The following RNF8 variants were observed in gnomAD, a reference collection of about 807,000 sequenced individuals.
The protein encoded by RNF8 is E3 ubiquitin-protein ligase RNF8.
A neutral mutation model predicts 59.3 loss-of-function variants in RNF8; 8 were observed. The observed-to-expected ratio is 0.13, with a 90% CI of 0.08 to 0.24. The LOEUF (loss-of-function observed/expected upper bound fraction) is 0.24. RNF8 is among the 10% of genes least tolerant of loss of function. RNF8 has a pLI of 1.00. For missense variants in RNF8, 406 were observed against 572.6 expected (o/e 0.71, Z 2.97); for synonymous variants, 162 against 200.0 (o/e 0.81, Z 1.60).
At chr6:37,372,205 A>G (rs915757410) in intron 4 of RNF8, among the ~76,000 whole-genome samples, 1 of 152,108 alleles carries the variant, frequency 6.6e-6, no homozygotes, top group African/African-American at 2.4e-5. Flanking sequence ...ATGTATTATG[A>G]TTAGTAGTTT....
intron 2 of RNF8, chr6:37,361,174 G>T: frequency 4.5e-6 from 2 of 448,912 alleles, no homozygotes; most frequent in South Asian, 3.2e-5. Context: ...CAATTAGAAA[G>T]TACCTAATGT....
At chr6:37,379,005 TTTTA>T (rs999196623) in intron 6 of RNF8, among the ~76,000 whole-genome samples, 5 of 152,076 alleles carry the variant, frequency 3.3e-5, no homozygotes, top group African/African-American at 9.7e-5. Flanking sequence ...ATATGTTTTA[TTTTA>T]TTTATTTATT....
rs1176195264 is a variant in RNF8, at chr6:37,390,604, A to G, written c.1442-138A>G. 4 of 632,804 alleles carry G rather than the reference A, an allele frequency of 6.3e-6. No individual in the cohort carries two copies. In the African/African-American group the frequency reaches 7.3e-5, roughly 12 times the overall value. 39.2% of individuals were successfully genotyped at this position (632,804 alleles called of 1,614,324 possible). ...GAGTGGGCTTTGAGCAGAGAGTGAC[A>G]TGATCTGACTTCTGTTTTCTCAGTT... On this transcript the variant is annotated intron_variant, in intron 7 of 7. Transcript: ENST00000373479.
intron 7 of RNF8, among the ~76,000 whole-genome samples, chr6:37,381,653 G>A (rs1770268381): frequency 6.6e-6 from 1 of 152,312 alleles, no homozygotes; most frequent in Non-Finnish European, 1.5e-5. Context: ...CAGACGTTTT[G>A]CTGTACCAGT....
rs1440488764 is a variant in RNF8, at chr6:37,394,390, A to G, written c.*3632A>G. The stretch of plus-strand genomic sequence containing the variant: ...ACGATGGGGCCTTGTATTAAGGAGA[A>G]ATAATGAACTATCTTCTTGATTCTT... On this transcript the variant is annotated 3_prime_UTR_variant, in exon 8 of 8. Coordinates refer to ENST00000373479, the MANE Select transcript of RNF8 (RefSeq NM_003958.4). The G allele has an allele frequency of 6.6e-6, 1 of 152,188 alleles. No individual in the cohort carries two copies. The highest frequency in any genetic ancestry group is 2.4e-5 in the African/African-American group (1 of 41,440). 9.4% of individuals were successfully genotyped at this position (152,188 alleles called of 1,614,324 possible).
intron 2 of RNF8, chr6:37,361,667 A>T: frequency 3.3e-6 from 1 of 304,362 alleles, no homozygotes; most frequent in Non-Finnish European, 6.4e-6. Flanking sequence ...AGGTACCATT[A>T]GAAGGGAGGG....
intron 7 of RNF8, among the ~76,000 whole-genome samples, chr6:37,382,388 A>G (rs1344350523): frequency 1.3e-5 from 2 of 152,216 alleles, no homozygotes; most frequent in African/African-American, 2.4e-5. Context: ...ACACAGAGGC[A>G]TGAGAAGCAG....
At position 37,354,044 on chromosome 6, in the gene RNF8, AGCGTGTGGCGATT is replaced by A. The variant is rs1192465565; in HGVS notation, c.-118_-106del. On this transcript the variant is annotated 5_prime_UTR_variant, in exon 1 of 8. Transcript: ENST00000373479. The stretch of plus-strand genomic sequence containing the variant: ...GGAGCCTGCTTTCGCAGCGATCGCG[AGCGTGTGGCGATT>A]GCTTCTGTCTGTTATTTAGATATGG... 9 of 845,966 alleles carry A rather than the reference AGCGTGTGGCGATT, an allele frequency of 1.1e-5. 1 individual carries two copies. In the South Asian group the frequency reaches 1.2e-4, roughly 11 times the overall value. The allele number at this position is 845,966 out of a possible 1,614,324, so 52.4% of individuals were successfully genotyped here.
At position 37,381,338 on chromosome 6, in the gene RNF8, CATT is replaced by C. The variant is rs777075323; in HGVS notation, c.1427_1429del (p.Ile476del). ...AAGTGAAAGAACGACGAATTGTTCT[CATT>C]AGGGAACGAAAAGGTGAGTGGGTGT... On this transcript the variant is annotated inframe_deletion, in exon 7 of 8. Coordinates refer to ENST00000373479, the MANE Select transcript of RNF8 (RefSeq NM_003958.4). 2.5e-6 allele frequency: 4 copies of C among 1,613,994 alleles called. No homozygotes were observed. The highest frequency in any genetic ancestry group is 3.4e-6 in the Non-Finnish European group (4 of 1,179,914).
chr6:37,385,575 C>T (rs1048955822), intron 7 of RNF8, among the ~76,000 whole-genome samples: 6 of 151,440 alleles, frequency 4.0e-5, no homozygotes, highest in East Asian at 2.0e-4. Context: ...TGCAGTGAGC[C>T]GAGATCATGC....
chr6:37,383,665 T>A (rs376951523), intron 7 of RNF8, among the ~76,000 whole-genome samples: 1 of 152,282 alleles, frequency 6.6e-6, no homozygotes, highest in East Asian at 1.9e-4. Flanking sequence ...CATGACTGAT[T>A]AGCCATTGAT....
chr6:37,356,429 T>G (rs981298629), intron 1 of RNF8, among the ~76,000 whole-genome samples: 22 of 152,246 alleles, frequency 1.4e-4, no homozygotes, highest in Admixed American at 7.2e-4. Context: ...TCCCTGCCTT[T>G]CCAGTTCTTA....
intron 6 of RNF8, among the ~76,000 whole-genome samples, chr6:37,380,661 A>T (rs1770218172): frequency 7.2e-6 from 1 of 139,216 alleles, no homozygotes; most frequent in African/African-American, 2.8e-5. Flanking sequence ...ACAGAGTGAG[A>T]CTCCGTCTCA....
chr6:37,382,928 G>T (rs900284809), intron 7 of RNF8, among the ~76,000 whole-genome samples: 5 of 149,652 alleles, frequency 3.3e-5, no homozygotes, highest in Non-Finnish European at 5.9e-5. Context: ...AGCCAAGATC[G>T]CACCACTGCA....
chr6:37,388,090 C>T (rs993976340), intron 7 of RNF8, among the ~76,000 whole-genome samples: 9 of 152,034 alleles, frequency 5.9e-5, no homozygotes, highest in African/African-American at 1.7e-4. Flanking sequence ...AGTGAAGAGA[C>T]GACATGGTGC....
At chr6:37,382,064 T>G (rs1770289792) in intron 7 of RNF8, among the ~76,000 whole-genome samples, 1 of 152,234 alleles carries the variant, frequency 6.6e-6, no homozygotes, top group Admixed American at 6.5e-5. Context: ...CCCATTGTTC[T>G]TCCTTTTCAC....
Position 37,354,128 on chromosome 6 carries a change from TCGCTCGGTGCTGAC to T in RNF8, c.-33_-20del. ...GGCAGCCAGAACCTAGGTCAGGGTC[TCGCTCGGTGCTGAC>T]CGCCCCCGGGGTCGAGTAGGCGATG... On this transcript the variant is annotated 5_prime_UTR_variant, in exon 1 of 8. It removes the in-frame stop codon of an upstream open reading frame in the 5' UTR. Coordinates refer to ENST00000373479, the MANE Select transcript of RNF8 (RefSeq NM_003958.4). 1 of 1,539,148 alleles carries T rather than the reference TCGCTCGGTGCTGAC, an allele frequency of 6.5e-7. No individual in the cohort carries two copies. The highest frequency in any genetic ancestry group is 1.2e-5 in the South Asian group (1 of 83,902).
chr6:37,361,620 AT>A (rs1370164134), intron 2 of RNF8: 1 of 299,556 alleles, frequency 3.3e-6, no homozygotes, highest in Admixed American at 4.9e-5. Context: ...TTTAAGTGCC[AT>A]TTCATATTGC....
intron 7 of RNF8, among the ~76,000 whole-genome samples, chr6:37,382,794 A>G (rs768673504): frequency 3.3e-5 from 5 of 152,146 alleles, no homozygotes; most frequent in Non-Finnish European, 5.9e-5. Context: ...CCTGGCCAAC[A>G]TGGTGAAAGC....
Sources: allele counts gnomAD v4.1 joint callset (sites outside exome capture counted in the v4.1 genomes callset), GRCh38; gene constraint gnomAD v4.1.1; transcripts MANE v1.5; gene names NCBI Gene and HGNC (gene_info 2026-07-23, HGNC 2026-07-21).